DISC1: variants seen among roughly 807,000 people sequenced by gnomAD.
DISC1 encodes the protein disrupted in schizophrenia 1 protein.
Under a neutral mutation model 84.5 loss-of-function variants are expected in DISC1, and 57 were observed. The observed-to-expected ratio is 0.67, with a 90% CI of 0.55 to 0.84. DISC1 has a LOEUF of 0.84. DISC1 is among the 40% of genes least tolerant of loss of function. The pLI is 0.00. For missense variants in DISC1, 1,000 were observed against 1,057.8 expected, an observed-to-expected ratio of 0.95 and a Z score of 0.76; for synonymous variants, 411 against 415.2, an observed-to-expected ratio of 0.99 and a Z score of 0.12.
chr1:231,899,010 A>G (rs1421230956), intron 9 of DISC1, among the ~76,000 whole-genome samples: 1 of 152,112 alleles, frequency 6.6e-6, no homozygotes, highest in Non-Finnish European at 1.5e-5. Context: ...AAACCAAAAG[A>G]AAACCAAATA....
intron 3 of DISC1, among the ~76,000 whole-genome samples, chr1:231,739,747 TG>T (rs540980401): frequency 2.0e-5 from 3 of 152,316 alleles, no homozygotes; most frequent in Admixed American, 2.0e-4. Flanking sequence ...TAAATAAACA[TG>T]GCATTTGAAA....
At chr1:231,695,399 T>C (rs1339432893) in intron 2 of DISC1, among the ~76,000 whole-genome samples, 1 of 152,208 alleles carries the variant, frequency 6.6e-6, no homozygotes, top group Non-Finnish European at 1.5e-5. Flanking sequence ...AAGTACAAAC[T>C]GGAGACATCT....
At chr1:231,653,966 A>G (rs1230165666) in intron 1 of DISC1, among the ~76,000 whole-genome samples, 2 of 152,204 alleles carry the variant, frequency 1.3e-5, no homozygotes, top group Non-Finnish European at 2.9e-5. Flanking sequence ...CAAAGCAACA[A>G]TGGAATCCAG....
chr1:232,021,679 A>G (rs1303178433), intron 11 of DISC1, among the ~76,000 whole-genome samples: 1 of 152,220 alleles, frequency 6.6e-6, no homozygotes, highest in East Asian at 1.9e-4. Flanking sequence ...CTGTGTAGGG[A>G]CAACCCATGT....
chr1:231,718,436 C>CTTT (rs11294632), intron 3 of DISC1, among the ~76,000 whole-genome samples: 1 of 119,724 alleles, frequency 8.4e-6, no homozygotes, highest in Admixed American at 8.3e-5. Context: ...CTTTCTCTCT[C>CTTT]TTTTTTTTTT....
chr1:231,970,860 G>C (rs144934198), intron 10 of DISC1, among the ~76,000 whole-genome samples: 1 of 152,172 alleles, frequency 6.6e-6, no homozygotes, highest in African/African-American at 2.4e-5. Context: ...AAGGTGCCCA[G>C]TGACTGAGAA....
At chr1:231,724,086 G>A in intron 3 of DISC1, 1 of 928,492 alleles carries the variant, frequency 1.1e-6, no homozygotes, top group Non-Finnish European at 1.3e-6. Flanking sequence ...AATGGATATT[G>A]TCACCTGCTA....
chr1:231,786,037 T>C (rs2077830681), intron 6 of DISC1, among the ~76,000 whole-genome samples: 4 of 152,312 alleles, frequency 2.6e-5, no homozygotes, highest in South Asian at 2.1e-4. Context: ...TCTCATCTAA[T>C]ATATTCTGTA....
At chr1:231,946,347 C>T (rs1179531890) in intron 9 of DISC1, among the ~76,000 whole-genome samples, 3 of 152,134 alleles carry the variant, frequency 2.0e-5, no homozygotes, top group African/African-American at 7.2e-5. Context: ...ATAATCAGAA[C>T]CAATGACAAA....
At chr1:231,812,983 T>C (rs1454565905) in intron 8 of DISC1, among the ~76,000 whole-genome samples, 3 of 152,202 alleles carry the variant, frequency 2.0e-5, no homozygotes, top group Non-Finnish European at 2.9e-5. Context: ...CTCTGCTCTT[T>C]TAAAATGTTC....
In DISC1 at chr1:232,039,731, G is replaced by A. The variant is rs1215933645; in HGVS notation, c.*2900G>A. The A allele has an allele frequency of 6.6e-6, 1 of 152,078 alleles. No homozygotes were observed. Among genetic ancestry groups the A allele is most frequent in the Non-Finnish European group, 1.5e-5 (1 of 68,048 alleles). The allele number at this position is 152,078 out of a possible 1,614,324, so 9.4% of individuals were successfully genotyped here. A position where few individuals can be genotyped will look rare whatever the true frequency, so the allele number is the denominator to read the frequency against. On this transcript the variant is annotated 3_prime_UTR_variant, in exon 13 of 13. Coordinates refer to ENST00000439617, the MANE Select transcript of DISC1 (RefSeq NM_018662.3). ...ACATAAAAATATCCAAGAGAGGTTAGGGCTTAGATTTAAAAGCATCAAAAC... is the reference window on the plus strand; with the variant it reads ...ACATAAAAATATCCAAGAGAGGTTAAGGCTTAGATTTAAAAGCATCAAAAC...
chr1:231,678,657 ATCTC>A (rs146706314), intron 1 of DISC1, among the ~76,000 whole-genome samples: 1,947 of 151,234 alleles, frequency 0.013, 17 homozygotes, highest in African/African-American at 0.02. Flanking sequence ...ACGTTGCTCT[ATCTC>A]TCTCTCTCTC....
chr1:231,953,226 A>G (rs987696592), intron 9 of DISC1, among the ~76,000 whole-genome samples: 5 of 152,360 alleles, frequency 3.3e-5, no homozygotes, highest in African/African-American at 9.6e-5. Flanking sequence ...TGGGTCTCCA[A>G]TGTGACAGTC....
chr1:231,740,326 G>C (rs1364466101), intron 3 of DISC1, among the ~76,000 whole-genome samples: 1 of 152,214 alleles, frequency 6.6e-6, no homozygotes. Context: ...GAGGCTCTGG[G>C]ACTTAAGTGG....
chr1:231,940,521 T>G (rs1041875976), intron 9 of DISC1, among the ~76,000 whole-genome samples: 2 of 152,230 alleles, frequency 1.3e-5, no homozygotes, highest in Non-Finnish European at 2.9e-5. Context: ...TTACATCTTA[T>G]GCTTCCCGAC....
At chr1:231,969,961 A>T (rs369677024) in intron 10 of DISC1, among the ~76,000 whole-genome samples, 2 of 152,132 alleles carry the variant, frequency 1.3e-5, no homozygotes, top group South Asian at 4.1e-4. Flanking sequence ...AGTATTCCAT[A>T]GTGTATATGT....
At chr1:231,664,208 GAA>G (rs1363968244) in intron 1 of DISC1, among the ~76,000 whole-genome samples, 1 of 152,170 alleles carries the variant, frequency 6.6e-6, no homozygotes, top group African/African-American at 2.4e-5. Context: ...ACTCACACAT[GAA>G]AGAGTCAAGG....
At chr1:232,018,476 A>G (rs991950902) in intron 11 of DISC1, among the ~76,000 whole-genome samples, 4 of 152,312 alleles carry the variant, frequency 2.6e-5, no homozygotes, top group Non-Finnish European at 5.9e-5. Context: ...TTTTCTGGGT[A>G]TACACTTTTA....
intron 6 of DISC1, among the ~76,000 whole-genome samples, chr1:231,779,560 T>G (rs932561413): frequency 2.6e-4 from 36 of 140,568 alleles, no homozygotes; most frequent in East Asian, 4.1e-4. Context: ...TTTTTTTTTT[T>G]TTTTTTTTTT....
Sources: gnomAD v4.1 joint callset for allele counts (sites outside exome capture counted in the v4.1 genomes callset) on GRCh38, gnomAD v4.1.1 for gene constraint, MANE v1.5 for transcripts, NCBI Gene and HGNC (gene_info 2026-07-23, HGNC 2026-07-21) for gene names.